Variants in PPP1R13B observed in about 807,000 individuals in gnomAD.
The protein encoded by PPP1R13B is apoptosis-stimulating of p53 protein 1.
A neutral mutation model predicts 119.8 loss-of-function variants in PPP1R13B; 44 were observed. That is an observed-to-expected ratio of 0.37 (90% confidence interval 0.29 to 0.47). The LOEUF (loss-of-function observed/expected upper bound fraction) is 0.47, where lower values mean the gene tolerates loss of function less well. Among genes scored for constraint, PPP1R13B ranks in the 20% least tolerant of loss-of-function variants. PPP1R13B has a pLI of 0.99. For missense variants in PPP1R13B, 1,227 were observed against 1,413.5 expected (o/e 0.87, Z 2.12); for synonymous variants, 542 against 561.5 (o/e 0.97, Z 0.49).
At position 103,734,322 on chromosome 14, in the gene PPP1R13B, C is replaced by G. The variant is rs950539747; in HGVS notation, c.*832G>C. ...GGTCTGCCCTCACACCAGTCCACCC[C>G]CAGCCCCAACCCCAACCACCCTCCG... On this transcript the variant is annotated 3_prime_UTR_variant, in exon 17 of 17. Coordinates refer to ENST00000202556, the MANE Select transcript of PPP1R13B (RefSeq NM_015316.3). 8.2e-6 allele frequency: 3 copies of G among 364,830 alleles called. No homozygotes were observed. Among genetic ancestry groups the G allele is most frequent in the African/African-American group, 2.1e-5 (1 of 47,034 alleles). The allele number at this position is 364,830 out of a possible 1,614,324, so 22.6% of individuals were successfully genotyped here.
chr14:103,834,514 C>G (rs934552975), intron 1 of PPP1R13B, among the ~76,000 whole-genome samples: 1 of 151,520 alleles, frequency 6.6e-6, no homozygotes, highest in African/African-American at 2.4e-5. Flanking sequence ...TGAAGTGAAC[C>G]TTATTCTGGT....
intron 1 of PPP1R13B, among the ~76,000 whole-genome samples, chr14:103,808,995 A>T (rs2086085426): frequency 6.6e-6 from 1 of 152,012 alleles, no homozygotes; most frequent in Non-Finnish European, 1.5e-5. Context: ...CTCAACTTTC[A>T]AGTAGCTGAG....
intron 4 of PPP1R13B, among the ~76,000 whole-genome samples, chr14:103,766,900 G>A (rs180687597): frequency 6.6e-6 from 1 of 152,252 alleles, no homozygotes; most frequent in East Asian, 1.9e-4. Flanking sequence ...TCGAACTAAT[G>A]GGAAAGGATT....
chr14:103,797,359 C>A lies in PPP1R13B; in HGVS notation c.157+12G>T. ...TATCAATGTAACAATCTTTACAGGA[C>A]CTAATACATACCATTTCCCCTCCAC... On this transcript the variant is annotated intron_variant, in intron 2 of 16. Coordinates refer to ENST00000202556, the MANE Select transcript of PPP1R13B (RefSeq NM_015316.3). 3 of 1,612,842 alleles carry A rather than the reference C, an allele frequency of 1.9e-6. No homozygotes were observed. The highest frequency in any genetic ancestry group is 2.5e-6 in the Non-Finnish European group (3 of 1,179,468).
intron 1 of PPP1R13B, among the ~76,000 whole-genome samples, chr14:103,808,638 C>T (rs529175820): frequency 4.6e-5 from 7 of 152,036 alleles, no homozygotes; most frequent in Admixed American, 1.3e-4. Flanking sequence ...AGCACTACCC[C>T]CTTCCCCTGA....
Position 103,733,278 on chromosome 14 carries a change from C to T in PPP1R13B, c.*1876G>A, listed in dbSNP as rs895712516. On this transcript the variant is annotated 3_prime_UTR_variant, in exon 17 of 17. Transcript: ENST00000202556. The stretch of plus-strand genomic sequence containing the variant: ...TGGGGGTGGGAGAGACTGAGCTACA[C>T]TACTGCTAAACTATTTTTAGCATAA... The T allele has an allele frequency of 4.4e-5, 21 of 479,512 alleles. No individual in the cohort carries two copies. Among genetic ancestry groups the T allele is most frequent in the Non-Finnish European group, 6.7e-5 (18 of 268,316 alleles). The allele number at this position is 479,512 out of a possible 1,614,324, so 29.7% of individuals were successfully genotyped here.
At chr14:103,782,348 T>C (rs995952053) in intron 3 of PPP1R13B, among the ~76,000 whole-genome samples, 1 of 152,212 alleles carries the variant, frequency 6.6e-6, no homozygotes, top group Non-Finnish European at 1.5e-5. Context: ...CTGCAGAGCA[T>C]TCTGCTGTGT....
chr14:103,745,346 TC>T (rs1391723393), intron 9 of PPP1R13B, among the ~76,000 whole-genome samples: 2 of 152,218 alleles, frequency 1.3e-5, no homozygotes, highest in Non-Finnish European at 2.9e-5. Context: ...AAAAAGGGGC[TC>T]GAAACACAGG....
At chr14:103,787,276 C>T (rs1174836522) in intron 2 of PPP1R13B, among the ~76,000 whole-genome samples, 3 of 151,324 alleles carry the variant, frequency 2.0e-5, no homozygotes, top group African/African-American at 4.9e-5. Context: ...TGGTGAAACC[C>T]CATCTCTACT....
In PPP1R13B at chr14:103,742,099, C is replaced by A; in HGVS notation, c.1513G>T (p.Ala505Ser). The change falls in exon 11 of 17, where the codon GCC becomes TCC. Residue 505 changes from alanine (A) to serine (S), a missense_variant. Transcript: ENST00000202556. This position sits in a 1 kb window ranked among gnomAD's most constrained non-coding sequence, Gnocchi z 4.9. ...CCTGGCTGGGGGGTGCTGCCTGTGGCGGGCAGCAGGGTGGGCCTCTGTCGA... is the reference window on the plus strand; with the variant it reads ...CCTGGCTGGGGGGTGCTGCCTGTGGAGGGCAGCAGGGTGGGCCTCTGTCGA... ...PSRQRPTLLPATGSTPQPGSS... is the reference protein window; with the variant it reads ...PSRQRPTLLPSTGSTPQPGSS... The A allele has an allele frequency of 6.2e-7, 1 of 1,613,536 alleles. No individual in the cohort carries two copies. The highest frequency in any genetic ancestry group is 8.5e-7 in the Non-Finnish European group (1 of 1,179,942).
chr14:103,788,258 T>G (rs1017172475), intron 2 of PPP1R13B, among the ~76,000 whole-genome samples: 7 of 152,198 alleles, frequency 4.6e-5, no homozygotes, highest in African/African-American at 1.7e-4. Context: ...TTCCCTAGCT[T>G]CTTTGGCATG....
chr14:103,764,632 A>C lies in PPP1R13B; in HGVS notation c.355-6881T>G, dbSNP rs191615653. On this transcript the variant is annotated intron_variant, in intron 4 of 16. Transcript: ENST00000202556. ...TTCTCAATTTCTGTTATTCATTGCA[A>C]ATCTTCAGATTTGTCTATATGTGTT... 3.3e-5 allele frequency among the ~76,000 whole-genome samples: 5 copies of C among 152,278 alleles called. No individual in the cohort carries two copies. The East Asian group carries it at 9.6e-4, about 29-fold the overall frequency.
chr14:103,831,088 C>T (rs191917091), intron 1 of PPP1R13B, among the ~76,000 whole-genome samples: 87 of 151,556 alleles, frequency 5.7e-4, no homozygotes, highest in Non-Finnish European at 9.6e-4. Flanking sequence ...GGACTACAGG[C>T]GTGTGCCACC....
intron 15 of PPP1R13B, chr14:103,736,960 G>A (rs2084129199): frequency 6.6e-6 from 1 of 152,358 alleles, no homozygotes; most frequent in Non-Finnish European, 1.5e-5. Context: ...AGATGTTCCA[G>A]CTCTTGGAAA....
intron 3 of PPP1R13B, among the ~76,000 whole-genome samples, chr14:103,782,774 G>GGT (rs2085365834): frequency 6.6e-6 from 1 of 151,862 alleles, no homozygotes; most frequent in Non-Finnish European, 1.5e-5. Context: ...TCTGTGAACT[G>GGT]TGTGTGTATA....
intron 2 of PPP1R13B, among the ~76,000 whole-genome samples, chr14:103,794,335 T>G (rs11849086): frequency 9.9e-5 from 15 of 151,662 alleles, no homozygotes; most frequent in South Asian, 4.2e-4. Context: ...TTTGTTTTTT[T>G]TTTTTTTTGA....
Position 103,746,389 on chromosome 14 carries a change from A to G in PPP1R13B, c.1134T>C (p.His378=). The G allele has an allele frequency of 6.2e-7, 1 of 1,604,334 alleles. No homozygotes were observed. The highest frequency in any genetic ancestry group is 8.5e-7 in the Non-Finnish European group (1 of 1,176,144). The change falls in exon 9 of 17, where the codon CAT becomes CAC. Residue 378 remains histidine, a synonymous_variant. Transcript: ENST00000202556. Reference sequence around the variant, plus strand: ...ACCACTCACCGGATTTGGATCTTCCATGAGCAGCATTTGAGGCAATACTGA... The same window carrying G: ...ACCACTCACCGGATTTGGATCTTCCGTGAGCAGCATTTGAGGCAATACTGA... The part of the protein sequence containing the change: ...QSLSIASNAA[H]GRSKSANDGN...
intron 4 of PPP1R13B, among the ~76,000 whole-genome samples, chr14:103,758,933 A>C (rs1170418478): frequency 3.3e-5 from 5 of 151,760 alleles, no homozygotes. Flanking sequence ...TTGACTCTTG[A>C]AACATGGGAT....
chr14:103,750,845 CA>C (rs1428503185), intron 7 of PPP1R13B, among the ~76,000 whole-genome samples: 1 of 147,666 alleles, frequency 6.8e-6, no homozygotes, highest in Non-Finnish European at 1.5e-5. Flanking sequence ...AACAAACAAA[CA>C]AAAAACAACA....
Sources: allele counts gnomAD v4.1 joint callset (sites outside exome capture counted in the v4.1 genomes callset), GRCh38; gene constraint gnomAD v4.1.1; non-coding constraint Gnocchi (gnomAD v3.1); transcripts MANE v1.5; gene names NCBI Gene and HGNC (gene_info 2026-07-23, HGNC 2026-07-21).